Variants in PRELID2 observed in about 807,000 individuals in gnomAD.
PRELID2 encodes the protein PRELI domain containing 2, also known as PRELI domain-containing protein 2.
PRELID2 carries 25 observed loss-of-function variants against 28.4 expected under a neutral mutation model. That is an observed-to-expected ratio of 0.88 (90% CI 0.64 to 1.23). PRELID2 has a LOEUF of 1.23. Ranked by LOEUF, PRELID2 falls within the 50% of genes most tolerant of loss-of-function variation. PRELID2 has a pLI of 0.00. For synonymous variants in PRELID2, 76 were observed against 71.6 expected, an observed-to-expected ratio of 1.06 and a Z score of -0.31; for missense variants, 201 against 214.4, an observed-to-expected ratio of 0.94 and a Z score of 0.39.
chr5:145,703,590 C>G (rs11741931), intron 1 of PRELID2, among the ~76,000 whole-genome samples: 10,562 of 152,250 alleles, frequency 0.069, 525 homozygotes, highest in Non-Finnish European at 0.11. Context: ...TTTGACTAAA[C>G]CCAAACTAAT....
downstream of PRELID2, among the ~76,000 whole-genome samples, chr5:145,752,389 A>G (rs1490612232): frequency 1.3e-5 from 2 of 152,226 alleles, no homozygotes; most frequent in Non-Finnish European, 2.9e-5. Context: ...GCAATCGGAA[A>G]CCATAAAATT....
chr5:145,830,216 A>G (rs1192442858), intron 1 of PRELID2, among the ~76,000 whole-genome samples: 1 of 152,200 alleles, frequency 6.6e-6, no homozygotes, highest in Non-Finnish European at 1.5e-5. Flanking sequence ...GACAAAAATC[A>G]CCACCTATGA....
chr5:145,296,884 C>CTAACT, the PRELID2 span, among the ~76,000 whole-genome samples: 2 of 152,192 alleles, frequency 1.3e-5, no homozygotes, highest in Non-Finnish European at 2.9e-5. Flanking sequence ...GATTGTCATT[C>CTAACT]TAACTGGTGT....
intron 1 of PRELID2, among the ~76,000 whole-genome samples, chr5:145,616,899 C>T (rs1753705619): frequency 6.6e-6 from 1 of 152,118 alleles, no homozygotes; most frequent in Non-Finnish European, 1.5e-5. Context: ...CTTATTTCAT[C>T]CCTACAGCTT....
the PRELID2 span, among the ~76,000 whole-genome samples, chr5:145,315,747 T>A: frequency 6.6e-6 from 1 of 151,904 alleles, no homozygotes; most frequent in Middle Eastern, 3.2e-3. Flanking sequence ...TATAATGGAA[T>A]GCGAGGCTGA....
At chr5:145,815,742 A>C (rs1215870139) in intron 4 of PRELID2, among the ~76,000 whole-genome samples, 3 of 152,194 alleles carry the variant, frequency 2.0e-5, no homozygotes, top group Non-Finnish European at 4.4e-5. Flanking sequence ...TCAGCACTCC[A>C]TTCCTTTTTG....
In PRELID2 at chr5:145,732,875, C is replaced by T. The variant is rs141967074; in HGVS notation, n.70+32056G>A. Among the ~76,000 whole-genome samples the T allele has an allele frequency of 3.8e-3, 580 of 152,128 alleles. 4 individuals carry two copies. The highest frequency in any genetic ancestry group is 0.013 in the African/African-American group (556 of 41,514). Reference sequence around the variant, plus strand: ...AGTGAAGATTAAAATATAATAAATACAAGGACTAAAAGTGACAGTGGACCA... The same window carrying T: ...AGTGAAGATTAAAATATAATAAATATAAGGACTAAAAGTGACAGTGGACCA... On this transcript the variant is annotated intron_variant and non_coding_transcript_variant, in intron 1 of 2. Transcript: ENST00000510259.
intron 4 of PRELID2, among the ~76,000 whole-genome samples, chr5:145,810,255 G>A (rs1159547236): frequency 1.3e-5 from 2 of 151,778 alleles, no homozygotes; most frequent in Non-Finnish European, 2.9e-5. Context: ...TTCTGATTTG[G>A]CCCAAGTGTC....
chr5:145,779,529 T>TTTAC (rs1176189600), intron 5 of PRELID2, among the ~76,000 whole-genome samples: 1 of 151,182 alleles, frequency 6.6e-6, no homozygotes, highest in Non-Finnish European at 1.5e-5. Context: ...GTGAAAGGGA[T>TTTAC]TATAAAATAT....
At chr5:145,255,742 C>T in the PRELID2 span, among the ~76,000 whole-genome samples, 1 of 152,048 alleles carries the variant, frequency 6.6e-6, no homozygotes, top group Non-Finnish European at 1.5e-5. Flanking sequence ...GATTGCAAAA[C>T]TGCACTCCAG....
At chr5:145,731,575 C>A (rs1756347161) in intron 1 of PRELID2, among the ~76,000 whole-genome samples, 1 of 152,190 alleles carries the variant, frequency 6.6e-6, no homozygotes, top group African/African-American at 2.4e-5. Flanking sequence ...TAAAATGAGG[C>A]TAATTACAAC....
At chr5:145,701,375 T>C (rs908469964) in intron 1 of PRELID2, among the ~76,000 whole-genome samples, 7 of 152,150 alleles carry the variant, frequency 4.6e-5, no homozygotes, top group African/African-American at 1.4e-4. Context: ...TTTGACCATA[T>C]AAAAATTTTA....
rs145672611 is a variant in PRELID2 at position 145,757,345 on chromosome 5, T to G, written c.*3191A>C. Among the ~76,000 whole-genome samples, 183 of 152,330 alleles carry G rather than the reference T, an allele frequency of 1.2e-3. 3 individuals are homozygous for G. Among genetic ancestry groups the G allele is most frequent in the Admixed American group, 0.012 (176 of 15,300 alleles). ...CTCTCTGCATAAGAACTTTATACTG[T>G]GTCCTGAATGATCAACTGAAATTCC... On this transcript the variant is annotated 3_prime_UTR_variant, in exon 7 of 7. Coordinates refer to ENST00000683046, the MANE Select transcript of PRELID2 (RefSeq NM_205846.3).
At chr5:145,449,211 C>T in the PRELID2 span, among the ~76,000 whole-genome samples, 1 of 152,112 alleles carries the variant, frequency 6.6e-6, no homozygotes, top group African/African-American at 2.4e-5. Context: ...CGTGTTAGCA[C>T]ATGTTCATTC....
intron 1 of PRELID2, among the ~76,000 whole-genome samples, chr5:145,696,870 T>C (rs1468309501): frequency 1.3e-5 from 2 of 151,474 alleles, no homozygotes; most frequent in Non-Finnish European, 2.9e-5. Context: ...ATTTCAAAAA[T>C]AGAATGCATA....
At chr5:145,816,220 C>T (rs1754298583) in intron 4 of PRELID2, among the ~76,000 whole-genome samples, 1 of 150,816 alleles carries the variant, frequency 6.6e-6, no homozygotes, top group African/African-American at 2.4e-5. Flanking sequence ...ATAGTTGAAA[C>T]CATAGGCATG....
In PRELID2 at chr5:145,639,682, G is replaced by T. The variant is rs2149663183; in HGVS notation, n.70+125249C>A. ...CTGGAAACTATTCAAATCCAATGTT[G>T]GGAAAGTGCGTTGGGTTGGGCCTAA... is the stretch of plus-strand genomic sequence containing the variant. On this transcript the variant is annotated intron_variant and non_coding_transcript_variant, in intron 1 of 2. Transcript: ENST00000510259. Among the ~76,000 whole-genome samples the T allele has an allele frequency of 1.3e-5, 2 of 152,236 alleles. 1 individual carries two copies. Among genetic ancestry groups the T allele is most frequent in the South Asian group, 4.2e-4 (2 of 4,812 alleles).
At chr5:145,773,573 T>C (rs947146719) in intron 5 of PRELID2, among the ~76,000 whole-genome samples, 2 of 152,366 alleles carry the variant, frequency 1.3e-5, no homozygotes, top group African/African-American at 2.4e-5. Flanking sequence ...GGAAGCATAC[T>C]GTTCCTTAGT....
At chr5:145,328,635 TTTCTTGTAA>T in the PRELID2 span, among the ~76,000 whole-genome samples, 1 of 152,276 alleles carries the variant, frequency 6.6e-6, no homozygotes, top group South Asian at 2.1e-4. Flanking sequence ...GAGTTGTTTT[TTTCTTGTAA>T]ATTTAAGTTC....
Sources: gnomAD v4.1 joint callset for allele counts (sites outside exome capture counted in the v4.1 genomes callset) on GRCh38, gnomAD v4.1.1 for gene constraint, MANE v1.5 for transcripts, NCBI Gene and HGNC (gene_info 2026-07-23, HGNC 2026-07-21) for gene names.